PM20D2: variants seen among roughly 807,000 people sequenced by gnomAD.
PM20D2 encodes the protein xaa-Arg dipeptidase.
PM20D2 carries 33 observed loss-of-function variants against 42.9 expected under a neutral mutation model. That is an observed-to-expected ratio of 0.77 (90% confidence interval 0.58 to 1.03). The LOEUF (loss-of-function observed/expected upper bound fraction) is 1.03, where lower values mean the gene tolerates loss of function less well. PM20D2 is among the 50% of genes least tolerant of loss of function. The pLI, the probability that PM20D2 is intolerant of heterozygous loss-of-function variation, is 0.00. For missense variants in PM20D2, 548 were observed against 557.0 expected, an observed-to-expected ratio of 0.98 and a Z score of 0.16; for synonymous variants, 250 against 228.2, an observed-to-expected ratio of 1.10 and a Z score of -0.86.
chr6:89,148,595 G>T (rs1361167642), intron 1 of PM20D2: 1 of 970,532 alleles, frequency 1.0e-6, no homozygotes, highest in African/African-American at 1.8e-5. Flanking sequence ...GTAATAGTTG[G>T]CTGTTTCTAA....
At chr6:89,135,584 A>C in the PM20D2 span, among the ~76,000 whole-genome samples, 8 of 151,136 alleles carry the variant, frequency 5.3e-5, no homozygotes, top group African/African-American at 2.0e-4. Flanking sequence ...GATAAATTTA[A>C]ATTTTCTTCC....
chr6:89,154,208 A>G (rs9451169), intron 3 of PM20D2, among the ~76,000 whole-genome samples: 3,785 of 152,290 alleles, frequency 0.025, 150 homozygotes, highest in African/African-American at 0.087. Context: ...TCGAATGAAT[A>G]AATCTTAATT....
At chr6:89,148,928 G>A (rs925342496) in intron 1 of PM20D2, among the ~76,000 whole-genome samples, 1 of 152,182 alleles carries the variant, frequency 6.6e-6, no homozygotes, top group Non-Finnish European at 1.5e-5. Flanking sequence ...AGGCTTAGTC[G>A]AGAGGAACCT....
chr6:89,105,568 C>A, the PM20D2 span: 1 of 1,392,198 alleles, frequency 7.2e-7, no homozygotes. Flanking sequence ...CATGAGATAT[C>A]AAGTAAACAT....
chr6:89,140,888 C>T, the PM20D2 span, among the ~76,000 whole-genome samples: 2 of 152,202 alleles, frequency 1.3e-5, no homozygotes, highest in South Asian at 2.1e-4. Context: ...AACTTGAAAA[C>T]GAGTTGTAAT....
chr6:89,129,936 A>G, the PM20D2 span, among the ~76,000 whole-genome samples: 1 of 151,632 alleles, frequency 6.6e-6, no homozygotes, highest in Non-Finnish European at 1.5e-5. Context: ...GGGTCTCAAT[A>G]TATTACACAA....
upstream of PM20D2, among the ~76,000 whole-genome samples, chr6:89,142,240 C>T (rs1770345110): frequency 3.3e-5 from 5 of 152,194 alleles, no homozygotes; most frequent in South Asian, 8.3e-4. Flanking sequence ...ATATGACAAC[C>T]AGCTCTTCCA....
intron 5 of PM20D2, 122 bp from the exon 6 acceptor site, chr6:89,161,661 G>A (rs989622219): frequency 2.6e-5 from 19 of 728,110 alleles, no homozygotes; most frequent in South Asian, 2.4e-4. Flanking sequence ...ATGAGCATAC[G>A]GACAACTCTC....
chr6:89,127,481 C>T, the PM20D2 span, among the ~76,000 whole-genome samples: 2 of 152,136 alleles, frequency 1.3e-5, no homozygotes, highest in Non-Finnish European at 2.9e-5. Context: ...AGGCATGTGC[C>T]GCCAAGCCTG....
At chr6:89,107,213 T>C in the PM20D2 span, 1 of 1,614,028 alleles carries the variant, frequency 6.2e-7, no homozygotes, top group Non-Finnish European at 8.5e-7. Flanking sequence ...TGTAAACGTC[T>C]ACTATAGGGC....
At chr6:89,139,563 A>T in the PM20D2 span, among the ~76,000 whole-genome samples, 1 of 152,072 alleles carries the variant, frequency 6.6e-6, no homozygotes. Context: ...ATACAGTCAC[A>T]CTGGAGGTTA....
At position 89,154,647 on chromosome 6, in the gene PM20D2, T is replaced by C. The variant is rs949108620; in HGVS notation, c.758-101T>C. Reference sequence around the variant, plus strand: ...TGGTGGAGCTAGTGAGTTTAAATTATTTTTCTTTATGAACATATTGGCTGA... The same window carrying C: ...TGGTGGAGCTAGTGAGTTTAAATTACTTTTCTTTATGAACATATTGGCTGA... On this transcript the variant is annotated intron_variant, in intron 3 of 6. Coordinates refer to ENST00000275072, the MANE Select transcript of PM20D2 (RefSeq NM_001010853.3). 1.6e-5 allele frequency: 14 copies of C among 849,288 alleles called. No individual in the cohort carries two copies. In the East Asian group the frequency reaches 4.0e-4, roughly 24 times the overall value. 52.6% of individuals were successfully genotyped at this position (849,288 alleles called of 1,614,324 possible). A position where few individuals can be genotyped will look rare whatever the true frequency, so the allele number is the denominator to read the frequency against.
the PM20D2 span, among the ~76,000 whole-genome samples, chr6:89,116,842 AAT>A: frequency 2.0e-5 from 3 of 152,164 alleles, no homozygotes; most frequent in African/African-American, 7.2e-5. Flanking sequence ...GGTAAATTAT[AAT>A]ACTCATCTCA....
chr6:89,111,595 G>T, the PM20D2 span, among the ~76,000 whole-genome samples: 1 of 152,008 alleles, frequency 6.6e-6, no homozygotes, highest in Admixed American at 6.6e-5. Flanking sequence ...ACCTAAGAAT[G>T]GTTACTTTTA....
chr6:89,131,504 A>G, the PM20D2 span, among the ~76,000 whole-genome samples: 1 of 150,042 alleles, frequency 6.7e-6, no homozygotes, highest in Non-Finnish European at 1.5e-5. Context: ...CCTCGGCAAC[A>G]TAACAAGACC....
chr6:89,124,733 G>GTTTTTTTTTTTTTTTTTTT, the PM20D2 span, among the ~76,000 whole-genome samples: 1 of 79,554 alleles, frequency 1.3e-5, no homozygotes, highest in Non-Finnish European at 2.3e-5. Flanking sequence ...TGTTGCTGTT[G>GTTTTTTTTTTTTTTTTTTT]TTGTTTTTTT....
the PM20D2 span, among the ~76,000 whole-genome samples, chr6:89,114,873 T>G: frequency 1.3e-5 from 2 of 152,116 alleles, no homozygotes; most frequent in African/African-American, 4.8e-5. Flanking sequence ...CTCGGCTCAC[T>G]GCAACCTCCA....
the PM20D2 span, chr6:89,096,323 ATC>A: frequency 2.0e-5 from 3 of 152,306 alleles, no homozygotes; most frequent in Admixed American, 1.3e-4. Flanking sequence ...GCCTCTCTGC[ATC>A]TGTTTCCTTG....
the PM20D2 span, among the ~76,000 whole-genome samples, chr6:89,130,036 C>A: frequency 2.2e-5 from 3 of 136,706 alleles, no homozygotes; most frequent in Non-Finnish European, 3.2e-5. Context: ...GTGCCTGGCT[C>A]TTCTCTTCTA....
Sources: allele counts gnomAD v4.1 joint callset (sites outside exome capture counted in the v4.1 genomes callset), GRCh38; gene constraint gnomAD v4.1.1; transcripts MANE v1.5; gene names NCBI Gene and HGNC (gene_info 2026-07-23, HGNC 2026-07-21).